Variants in PELI2 observed in about 807,000 individuals in gnomAD.
PELI2 encodes the protein pellino E3 ubiquitin protein ligase family member 2.
PELI2 carries 23 observed loss-of-function variants against 42.3 expected under a neutral mutation model. That is an observed-to-expected ratio of 0.54 (90% CI 0.39 to 0.77). PELI2 has a LOEUF of 0.77. Among genes scored for constraint, PELI2 ranks in the 30% least tolerant of loss-of-function variants. PELI2 has a pLI of 0.00. For synonymous variants in PELI2, 245 were observed against 212.2 expected (o/e 1.15, Z -1.34); for missense variants, 463 against 553.2 (o/e 0.84, Z 1.64).
At chr14:56,149,550 A>G (rs1053079342) in intron 1 of PELI2, among the ~76,000 whole-genome samples, 3 of 152,168 alleles carry the variant, frequency 2.0e-5, no homozygotes, top group African/African-American at 7.2e-5. Context: ...GTATTTCTCC[A>G]TTTGGCTCAT....
intron 2 of PELI2, among the ~76,000 whole-genome samples, chr14:56,222,438 T>G (rs140650879): frequency 6.6e-6 from 1 of 152,198 alleles, no homozygotes; most frequent in African/African-American, 2.4e-5. Context: ...GTAAGAACAT[T>G]AACATCTACC....
intron 1 of PELI2, among the ~76,000 whole-genome samples, chr14:56,164,144 C>G (rs886461809): frequency 6.6e-6 from 1 of 151,884 alleles, no homozygotes; most frequent in Non-Finnish European, 1.5e-5. Flanking sequence ...AAAGGAAAGG[C>G]TTTTCCCCAT....
At chr14:56,254,007 A>G (rs543742411) in intron 2 of PELI2, among the ~76,000 whole-genome samples, 7 of 152,348 alleles carry the variant, frequency 4.6e-5, no homozygotes, top group African/African-American at 1.4e-4. Context: ...ACATAGACCA[A>G]TGAAACAGAA....
chr14:56,212,016 C>A (rs1886729108), intron 2 of PELI2, among the ~76,000 whole-genome samples: 1 of 152,070 alleles, frequency 6.6e-6, no homozygotes, highest in African/African-American at 2.4e-5. Flanking sequence ...GTATCAAGAG[C>A]CTCTTATGTG....
At chr14:56,211,092 TTGTC>T (rs1886697789) in intron 2 of PELI2, among the ~76,000 whole-genome samples, 1 of 152,142 alleles carries the variant, frequency 6.6e-6, no homozygotes, top group Admixed American at 6.5e-5. Flanking sequence ...CGGTGGTACT[TTGTC>T]TTGCTACGCT....
chr14:56,125,624 G>A (rs1256658889), intron 1 of PELI2, among the ~76,000 whole-genome samples: 7 of 151,994 alleles, frequency 4.6e-5, no homozygotes, highest in Admixed American at 3.9e-4. Flanking sequence ...CAAGTATCCC[G>A]TTAAGAGGCA....
At chr14:56,264,436 G>C (rs1888828668) in intron 2 of PELI2, among the ~76,000 whole-genome samples, 1 of 152,108 alleles carries the variant, frequency 6.6e-6, no homozygotes, top group Non-Finnish European at 1.5e-5. Context: ...AAAAGGAGGA[G>C]GAGATTTCCC....
intron 2 of PELI2, among the ~76,000 whole-genome samples, chr14:56,206,485 T>C (rs1247197699): frequency 6.6e-6 from 1 of 150,710 alleles, no homozygotes; most frequent in African/African-American, 2.5e-5. Context: ...AGCGCTCCAG[T>C]AAGTTGTCAT....
At position 56,180,060 on chromosome 14, in the gene PELI2, A is replaced by G. The variant is rs903996131; in HGVS notation, c.207+1596A>G. On this transcript the variant is annotated intron_variant, in intron 2 of 5. Coordinates refer to ENST00000267460, the MANE Select transcript of PELI2 (RefSeq NM_021255.3). This position sits in a 1 kb window ranked among gnomAD's most constrained non-coding sequence, Gnocchi z 4.4. ...CTCCCATTTTAGCCTTTTATGTTTT[A>G]CTTTTATACCTAGATTTTACTTCCA... Among the ~76,000 whole-genome samples, 2 of 152,122 alleles carry G rather than the reference A, an allele frequency of 1.3e-5. No homozygotes were observed. The highest frequency in any genetic ancestry group is 2.9e-5 in the Non-Finnish European group (2 of 67,994).
intron 2 of PELI2, among the ~76,000 whole-genome samples, chr14:56,238,652 A>C (rs1470776420): frequency 1.3e-5 from 2 of 152,154 alleles, no homozygotes; most frequent in Admixed American, 6.5e-5. Flanking sequence ...ATTTGTAATA[A>C]GGTTTGTTCT....
chr14:56,237,351 A>G (rs1028648297), intron 2 of PELI2, among the ~76,000 whole-genome samples: 3 of 152,340 alleles, frequency 2.0e-5, no homozygotes, highest in African/African-American at 7.2e-5. Flanking sequence ...CACAGAATCC[A>G]TGGCAGAAAC....
chr14:56,282,096 A>T (rs1594712213), intron 3 of PELI2, among the ~76,000 whole-genome samples: 2 of 152,256 alleles, frequency 1.3e-5, no homozygotes, highest in South Asian at 4.1e-4. Flanking sequence ...GCGCAACGCC[A>T]TTTGTACAGA....
intron 5 of PELI2, among the ~76,000 whole-genome samples, chr14:56,295,722 G>A (rs914279493): frequency 2.6e-5 from 4 of 152,298 alleles, no homozygotes; most frequent in Admixed American, 6.5e-5. Flanking sequence ...TCTGCACAGC[G>A]TCATACAGCT....
chr14:56,273,105 C>T lies in PELI2; in HGVS notation c.208-6571C>T, dbSNP rs1003039328. On this transcript the variant is annotated intron_variant, in intron 2 of 5. Coordinates refer to ENST00000267460, the MANE Select transcript of PELI2 (RefSeq NM_021255.3). This position sits in a 1 kb window ranked among gnomAD's most constrained non-coding sequence, Gnocchi z 4.3. ...AAGGGCACCACTGAGTAGTCAGTCT[C>T]TGGTCCACATCTGGGGCAGCTGGAG... 6.6e-6 allele frequency among the ~76,000 whole-genome samples: 1 copy of T among 152,314 alleles called. No individual in the cohort carries two copies. Among genetic ancestry groups the T allele is most frequent in the African/African-American group, 2.4e-5 (1 of 41,570 alleles).
At chr14:56,229,935 G>A (rs141241162) in intron 2 of PELI2, among the ~76,000 whole-genome samples, 4 of 152,316 alleles carry the variant, frequency 2.6e-5, no homozygotes, top group East Asian at 3.9e-4. Context: ...ACCATGGCAC[G>A]AGAACTGCGT....
chr14:56,211,012 G>A (rs1376090421), intron 2 of PELI2, among the ~76,000 whole-genome samples: 1 of 152,188 alleles, frequency 6.6e-6, no homozygotes, highest in Admixed American at 6.5e-5. Context: ...GCATTTGGGT[G>A]CAGCTCACAC....
At chr14:56,131,529 T>C (rs1421417715) in intron 1 of PELI2, among the ~76,000 whole-genome samples, 1 of 152,196 alleles carries the variant, frequency 6.6e-6, no homozygotes, top group Non-Finnish European at 1.5e-5. Context: ...AGGGAAGTAA[T>C]TCAATCAGCA....
intron 1 of PELI2, among the ~76,000 whole-genome samples, chr14:56,122,196 G>C (rs891909975): frequency 2.6e-5 from 4 of 152,120 alleles, no homozygotes; most frequent in Non-Finnish European, 5.9e-5. Flanking sequence ...AACCACTATG[G>C]CACGTATGTA....
chr14:56,241,849 A>G (rs1390177481), intron 2 of PELI2, among the ~76,000 whole-genome samples: 3 of 152,248 alleles, frequency 2.0e-5, no homozygotes, highest in African/African-American at 4.8e-5. Flanking sequence ...GTCAAGTACA[A>G]CGGTGGAACT....
Sources: allele counts gnomAD v4.1 joint callset (sites outside exome capture counted in the v4.1 genomes callset), GRCh38; gene constraint gnomAD v4.1.1; non-coding constraint Gnocchi (gnomAD v3.1); transcripts MANE v1.5; gene names NCBI Gene and HGNC (gene_info 2026-07-23, HGNC 2026-07-21).